Variants in PRKAR1B observed in about 807,000 individuals in gnomAD.
PRKAR1B encodes cAMP-dependent protein kinase type I-beta regulatory subunit.
PRKAR1B carries 22 observed loss-of-function variants against 46.5 expected under a neutral mutation model. That is an observed-to-expected ratio of 0.47 (90% confidence interval 0.34 to 0.68). PRKAR1B has a LOEUF of 0.68. Among genes scored for constraint, PRKAR1B ranks in the 30% least tolerant of loss-of-function variants. PRKAR1B has a pLI of 0.01. For synonymous variants in PRKAR1B, 259 were observed against 217.7 expected, an observed-to-expected ratio of 1.19 and a Z score of -1.67; for missense variants, 445 against 535.6, an observed-to-expected ratio of 0.83 and a Z score of 1.67.
chr7:727,606 C>A (rs1781393058), upstream of PRKAR1B: 1 of 195,188 alleles, frequency 5.1e-6, no homozygotes, highest in Middle Eastern at 1.8e-3. Context: ...CCTGCGCTGC[C>A]ACGTGCTCCT....
intron 2 of PRKAR1B, among the ~76,000 whole-genome samples, chr7:688,603 G>C (rs1779234823): frequency 6.6e-6 from 1 of 152,118 alleles, no homozygotes; most frequent in Admixed American, 6.6e-5. Flanking sequence ...CCTTTCACTT[G>C]CAATTATCTG....
intron 4 of PRKAR1B, among the ~76,000 whole-genome samples, chr7:657,454 CTT>C (rs1785274506): frequency 1.3e-5 from 2 of 152,192 alleles, no homozygotes; most frequent in East Asian, 3.8e-4. Flanking sequence ...ATGCTGACCT[CTT>C]CTCCCTCAAT....
At chr7:552,641 T>C (rs1784317540) in intron 9 of PRKAR1B, among the ~76,000 whole-genome samples, 1 of 143,300 alleles carries the variant, frequency 7.0e-6, no homozygotes, top group Non-Finnish European at 1.6e-5. Context: ...CTCCCATTTT[T>C]GTTCAGACAC....
At chr7:657,262 CGGACGGATGGATGGAT>C (rs1473574944) in intron 4 of PRKAR1B, among the ~76,000 whole-genome samples, 1 of 102,676 alleles carries the variant, frequency 9.7e-6, no homozygotes, top group African/African-American at 4.2e-5. Flanking sequence ...GATGAATGGA[CGGACGGATGGATGGAT>C]GGATGGATGG....
At chr7:637,639 G>GATCGAGATCA (rs1562580427) in intron 4 of PRKAR1B, among the ~76,000 whole-genome samples, 1 of 151,986 alleles carries the variant, frequency 6.6e-6, no homozygotes, top group East Asian at 1.9e-4. Flanking sequence ...ATCGAGACCA[G>GATCGAGATCA]CCTGGCCAAC....
In PRKAR1B at chr7:584,611, C is replaced by A. The variant is rs375644788; in HGVS notation, c.709-43G>T. 3.9e-5 allele frequency: 59 copies of A among 1,522,714 alleles called. 1 individual carries two copies. The African/African-American group carries it at 7.5e-4, about 19-fold the overall frequency. 94.3% of individuals were successfully genotyped at this position (1,522,714 alleles called of 1,614,324 possible). A position where few individuals can be genotyped will look rare whatever the true frequency, so the allele number is the denominator to read the frequency against. On this transcript the variant is annotated intron_variant, in intron 7 of 10. Coordinates refer to ENST00000537384, the MANE Select transcript of PRKAR1B (RefSeq NM_001164760.2). ...AAAAACAGACAAGAAGGTGAATCTT[C>A]ATACCTGGATCATCCTGACGTTTCC... is the stretch of plus-strand genomic sequence containing the variant.
At chr7:684,897 CACACAG>C (rs1778919333) in intron 2 of PRKAR1B, among the ~76,000 whole-genome samples, 1 of 151,916 alleles carries the variant, frequency 6.6e-6, no homozygotes, top group African/African-American at 2.4e-5. Flanking sequence ...CACACACACA[CACACAG>C]AGGATGGAAG....
intron 2 of PRKAR1B, among the ~76,000 whole-genome samples, chr7:683,057 C>G (rs1191091937): frequency 1.3e-5 from 2 of 152,200 alleles, no homozygotes; most frequent in African/African-American, 2.4e-5. Flanking sequence ...CAGGGCCTTG[C>G]GTCATGGACC....
chr7:635,657 A>C (rs1482896894), intron 4 of PRKAR1B, among the ~76,000 whole-genome samples: 2 of 152,252 alleles, frequency 1.3e-5, no homozygotes, highest in African/African-American at 4.8e-5. Flanking sequence ...GCTTAGGAAA[A>C]AGGGCTTCTC....
intron 7 of PRKAR1B, among the ~76,000 whole-genome samples, chr7:594,420 G>T (rs1033905108): frequency 6.6e-6 from 1 of 152,158 alleles, no homozygotes; most frequent in Non-Finnish European, 1.5e-5. Flanking sequence ...GCTGTCCGGG[G>T]CTGCATTGGC....
chr7:595,849 G>A (rs994068989), intron 7 of PRKAR1B, among the ~76,000 whole-genome samples: 6 of 152,308 alleles, frequency 3.9e-5, no homozygotes, highest in African/African-American at 7.2e-5. Context: ...TGGGTTTCAC[G>A]CTCATAGTCA....
At chr7:569,485 T>G (rs1779374091) in intron 9 of PRKAR1B, among the ~76,000 whole-genome samples, 1 of 152,182 alleles carries the variant, frequency 6.6e-6, no homozygotes, top group Non-Finnish European at 1.5e-5. Flanking sequence ...AGGGCAGCCG[T>G]GACGTGCCCG....
chr7:578,102 A>G (rs1288628644), intron 9 of PRKAR1B, among the ~76,000 whole-genome samples: 1 of 152,196 alleles, frequency 6.6e-6, no homozygotes, highest in Non-Finnish European at 1.5e-5. Flanking sequence ...GGCGTGGCTT[A>G]CGGAGAGTGG....
chr7:616,468 T>C (rs1782829673), intron 4 of PRKAR1B, among the ~76,000 whole-genome samples: 1 of 152,252 alleles, frequency 6.6e-6, no homozygotes, highest in Non-Finnish European at 1.5e-5. Flanking sequence ...GAAACAGTGA[T>C]GGAGCCCAGG....
intron 9 of PRKAR1B, among the ~76,000 whole-genome samples, chr7:554,264 G>A (rs1194635020): frequency 6.6e-6 from 1 of 152,262 alleles, no homozygotes; most frequent in African/African-American, 2.4e-5. Context: ...AGAAAATTTG[G>A]TTAGCTGGGG....
intron 2 of PRKAR1B, among the ~76,000 whole-genome samples, chr7:706,667 C>T (rs934172848): frequency 4.0e-5 from 6 of 149,874 alleles, no homozygotes; most frequent in Admixed American, 1.3e-4. Flanking sequence ...CCTCGTGATC[C>T]GCCCGCCTCA....
intron 8 of PRKAR1B, among the ~76,000 whole-genome samples, chr7:583,071 G>C (rs910497288): frequency 6.6e-6 from 1 of 152,078 alleles, no homozygotes; most frequent in Non-Finnish European, 1.5e-5. Context: ...GAGGGCAGGG[G>C]GGGTGACGGC....
chr7:718,651 C>G (rs969231599), intron 1 of PRKAR1B, among the ~76,000 whole-genome samples: 13 of 152,048 alleles, frequency 8.5e-5, no homozygotes, highest in African/African-American at 3.1e-4. Context: ...GCCACTGCAC[C>G]TGACCTGACC....
intron 8 of PRKAR1B, among the ~76,000 whole-genome samples, chr7:583,645 C>T (rs1321316269): frequency 7.0e-6 from 1 of 142,288 alleles, no homozygotes; most frequent in Admixed American, 6.9e-5. Flanking sequence ...CACTCACATG[C>T]ATGCACACCC....
Sources: gnomAD v4.1 joint callset for allele counts (sites outside exome capture counted in the v4.1 genomes callset) on GRCh38, gnomAD v4.1.1 for gene constraint, MANE v1.5 for transcripts, NCBI Gene and HGNC (gene_info 2026-07-23, HGNC 2026-07-21) for gene names.